The following PDGFRL variants were observed in gnomAD, a reference collection of about 807,000 sequenced individuals.
PDGFRL encodes the protein platelet derived growth factor receptor like, also known as platelet-derived growth factor receptor-like protein.
In PDGFRL, 46 loss-of-function variants were observed where a neutral mutation model predicts 37.2. The observed-to-expected ratio is 1.24, with a 90% confidence interval of 0.98 to 1.58. PDGFRL has a LOEUF of 1.58. Among genes scored for constraint, PDGFRL ranks in the 40% most tolerant of loss-of-function variants. The pLI is 0.00. For missense variants in PDGFRL, 692 were observed against 467.6 expected, an observed-to-expected ratio of 1.48 and a Z score of -4.43; for synonymous variants, 251 against 184.3, an observed-to-expected ratio of 1.36 and a Z score of -2.93.
Position 17,621,117 on chromosome 8 carries a change from A to C in PDGFRL, c.420A>C (p.Glu140Asp). The change falls in exon 3 of 6, where the codon GAA (glutamate) becomes GAC (aspartate). Residue 140 changes from glutamate to aspartate, a missense_variant. Transcript: ENST00000251630. The stretch of plus-strand genomic sequence containing the variant: ...ACTCCACCTCGGCAGACACAGGTGA[A>C]TTCAGCTGCTGGGTGCAGCTCTGCA... ...LVNSTSADTG[E>D]FSCWVQLCSG... The C allele has an allele frequency of 1.2e-6, 2 of 1,612,360 alleles. No individual in the cohort carries two copies. The highest frequency in any genetic ancestry group is 1.7e-6 in the Non-Finnish European group (2 of 1,178,788).
At chr8:17,590,235 T>G (rs1467917923) in intron 2 of PDGFRL, among the ~76,000 whole-genome samples, 1 of 1,576 alleles carries the variant, frequency 6.3e-4, no homozygotes, top group Non-Finnish European at 1.8e-3. Flanking sequence ...AGACTCCATC[T>G]CAAAAAAAAA....
chr8:17,605,949 C>T (rs1326463867), intron 2 of PDGFRL, among the ~76,000 whole-genome samples: 1 of 152,172 alleles, frequency 6.6e-6, no homozygotes, highest in Non-Finnish European at 1.5e-5. Flanking sequence ...CAACAGCTTA[C>T]TCCACCCACA....
chr8:17,634,866 A>T (rs1804938019), intron 5 of PDGFRL, among the ~76,000 whole-genome samples: 2 of 152,226 alleles, frequency 1.3e-5, no homozygotes, highest in East Asian at 3.9e-4. Flanking sequence ...ACTAATGGGT[A>T]CTAGGCTGAA....
intron 2 of PDGFRL, among the ~76,000 whole-genome samples, chr8:17,616,280 C>T (rs967505541): frequency 6.6e-6 from 1 of 152,022 alleles, no homozygotes; most frequent in East Asian, 1.9e-4. Context: ...CTGCAACCTC[C>T]GCCTCCCGGG....
chr8:17,619,038 G>A (rs943428900), intron 2 of PDGFRL, among the ~76,000 whole-genome samples: 1 of 152,136 alleles, frequency 6.6e-6, no homozygotes, highest in African/African-American at 2.4e-5. Context: ...ATTCCGCAGT[G>A]AACCAGAACA....
At chr8:17,599,355 C>G (rs188083095) in intron 2 of PDGFRL, among the ~76,000 whole-genome samples, 3 of 152,332 alleles carry the variant, frequency 2.0e-5, no homozygotes, top group Admixed American at 6.5e-5. Context: ...CCTTTGTGTC[C>G]TCACAGCTTA....
chr8:17,641,148 T>A (rs889582574), intron 5 of PDGFRL, among the ~76,000 whole-genome samples: 23 of 152,148 alleles, frequency 1.5e-4, no homozygotes, highest in African/African-American at 5.1e-4. Context: ...CGAGTTTGTT[T>A]CTAGGCAGTG....
Position 17,634,166 on chromosome 8 carries a change from G to T in PDGFRL, c.892G>T (p.Glu298Ter), listed in dbSNP as rs769048938. ...DISVLCTVLGEPDVEVEFTWI... is the reference protein window; with the variant it reads ...DISVLCTVLG ...CAGTGTGCTCTGCACTGTCCTGGGG[G>T]AGCCCGATGTGGAGGTGGAGTTCAC... Residue 298 changes from glutamate to a stop codon, truncating the protein, a stop_gained, in exon 5 of 6, where the codon GAG (glutamate) becomes TAG (stop). Transcript: ENST00000251630. LOFTEE classifies it high-confidence loss of function. The T allele has an allele frequency of 6.2e-7, 1 of 1,613,550 alleles. No homozygotes were observed. Among genetic ancestry groups the T allele is most frequent in the Non-Finnish European group, 8.5e-7 (1 of 1,179,510 alleles).
chr8:17,638,285 G>T (rs970050336), intron 5 of PDGFRL, among the ~76,000 whole-genome samples: 3 of 152,000 alleles, frequency 2.0e-5, no homozygotes, highest in Non-Finnish European at 4.4e-5. Context: ...AACTTCCATC[G>T]TGATTTCATT....
At chr8:17,598,098 C>G (rs1381328565) in intron 2 of PDGFRL, among the ~76,000 whole-genome samples, 4 of 152,064 alleles carry the variant, frequency 2.6e-5, no homozygotes, top group Non-Finnish European at 4.4e-5. Context: ...ACAGAGAAAG[C>G]ATTCAATTTA....
chr8:17,604,603 G>C (rs1026736299), intron 2 of PDGFRL, among the ~76,000 whole-genome samples: 7 of 152,144 alleles, frequency 4.6e-5, no homozygotes, highest in African/African-American at 1.7e-4. Flanking sequence ...GGGGATGGGA[G>C]AGGGATAGCA....
chr8:17,610,632 C>T (rs904072747), intron 2 of PDGFRL, among the ~76,000 whole-genome samples: 6 of 152,108 alleles, frequency 3.9e-5, no homozygotes, highest in African/African-American at 1.4e-4. Context: ...TGAGAAGGGC[C>T]AGGCGCGGTG....
chr8:17,632,012 T>A (rs1304019992), intron 4 of PDGFRL, among the ~76,000 whole-genome samples: 1 of 152,188 alleles, frequency 6.6e-6, no homozygotes, highest in Non-Finnish European at 1.5e-5. Flanking sequence ...TGCAATGAGA[T>A]GCTTCGGGGT....
intron 5 of PDGFRL, among the ~76,000 whole-genome samples, chr8:17,640,598 A>G (rs6586615): frequency 0.82 from 125,072 of 152,020 alleles, 52,323 homozygotes; most frequent in Non-Finnish European, 0.91. Flanking sequence ...GCTGGTACTT[A>G]GTGGTGCCTG....
intron 2 of PDGFRL, among the ~76,000 whole-genome samples, chr8:17,620,634 G>T (rs556636550): frequency 3.4e-4 from 52 of 152,196 alleles, no homozygotes; most frequent in African/African-American, 1.3e-3. Flanking sequence ...GCATTTTCAC[G>T]ATTAACATTT....
chr8:17,631,814 C>T (rs538228820), intron 4 of PDGFRL, among the ~76,000 whole-genome samples: 3 of 152,168 alleles, frequency 2.0e-5, no homozygotes. Flanking sequence ...AGCTTTCTCA[C>T]TCTTCTTGGT....
At position 17,634,055 on chromosome 8, in the gene PDGFRL, G is replaced by A. The variant is rs775848975; in HGVS notation, c.800-19G>A. On this transcript the variant is annotated intron_variant, in intron 4 of 5. Transcript: ENST00000251630. ...TTACACTCGGGGTCTCACTCTGCCT[G>A]TTTCGTGCTTGCTTCCAGTTCCCAG... 14 of 1,613,454 alleles carry A rather than the reference G, an allele frequency of 8.7e-6. No homozygotes were observed. Among genetic ancestry groups the A allele is most frequent in the East Asian group, 2.2e-5 (1 of 44,896 alleles).
rs17124980 is a variant in PDGFRL at position 17,642,031 on chromosome 8, C to T, written c.940-582C>T. Reference sequence around the variant, plus strand: ...GTGGACATCTCAAAAGTGACCATCGCACTTTGTAGAAATAGGGGTCCTGTC... The same window carrying T: ...GTGGACATCTCAAAAGTGACCATCGTACTTTGTAGAAATAGGGGTCCTGTC... On this transcript the variant is annotated intron_variant, in intron 5 of 5. Transcript: ENST00000251630. 3.5e-3 allele frequency among the ~76,000 whole-genome samples: 529 copies of T among 152,154 alleles called. 4 individuals carry two copies. The highest frequency in any genetic ancestry group is 0.012 in the African/African-American group (480 of 41,490).
chr8:17,589,986 C>G (rs1240226676), intron 2 of PDGFRL, among the ~76,000 whole-genome samples: 1 of 151,770 alleles, frequency 6.6e-6, no homozygotes, highest in Non-Finnish European at 1.5e-5. Flanking sequence ...AATCCCAGCA[C>G]TTTGGGAGGC....
Sources: gnomAD v4.1 joint callset for allele counts (sites outside exome capture counted in the v4.1 genomes callset) on GRCh38, gnomAD v4.1.1 for gene constraint, MANE v1.5 for transcripts, NCBI Gene and HGNC (gene_info 2026-07-23, HGNC 2026-07-21) for gene names.